Variants in PDE8A observed in about 807,000 individuals in gnomAD.
PDE8A encodes high affinity cAMP-specific and IBMX-insensitive 3',5'-cyclic phosphodiesterase 8A.
Under a neutral mutation model 105.0 loss-of-function variants are expected in PDE8A, and 59 were observed. The observed-to-expected ratio is 0.56, with a 90% CI of 0.46 to 0.70. The LOEUF (loss-of-function observed/expected upper bound fraction) is 0.70, where lower values mean the gene tolerates loss of function less well. Among genes scored for constraint, PDE8A ranks in the 30% least tolerant of loss-of-function variants. The pLI, the probability that PDE8A is intolerant of heterozygous loss-of-function variation, is 0.00. For missense variants in PDE8A, 1,014 were observed against 1,045.9 expected, an observed-to-expected ratio of 0.97 and a Z score of 0.42; for synonymous variants, 355 against 371.9, an observed-to-expected ratio of 0.95 and a Z score of 0.52.
chr15:85,032,761 T>C (rs1317620737), intron 1 of PDE8A, among the ~76,000 whole-genome samples: 1 of 152,190 alleles, frequency 6.6e-6, no homozygotes, highest in African/African-American at 2.4e-5. Context: ...AAGGTCAATT[T>C]AAATGCATTT....
chr15:85,100,753 A>G (rs139003329), intron 11 of PDE8A, among the ~76,000 whole-genome samples: 4 of 152,324 alleles, frequency 2.6e-5, no homozygotes, highest in Non-Finnish European at 5.9e-5. Flanking sequence ...TGGCCCTCAC[A>G]GATGAAGGGG....
At chr15:85,097,758 G>A in intron 8 of PDE8A, 190 bp from the exon 9 acceptor site, 1 of 557,198 alleles carries the variant, frequency 1.8e-6, no homozygotes. Context: ...ACTTTTGTCA[G>A]CAACTCAGAA....
At chr15:85,021,445 G>C (rs575606005) in intron 1 of PDE8A, among the ~76,000 whole-genome samples, 1 of 152,040 alleles carries the variant, frequency 6.6e-6, no homozygotes, top group South Asian at 2.1e-4. Context: ...GGGGTTGGGG[G>C]TGGTGGTAGT....
At chr15:85,085,379 C>T (rs559777180) in intron 6 of PDE8A, among the ~76,000 whole-genome samples, 8 of 152,314 alleles carry the variant, frequency 5.3e-5, no homozygotes, top group African/African-American at 1.9e-4. Context: ...AGGGGTGTTA[C>T]TGCTAGATTG....
At chr15:85,075,563 C>T (rs960265801) in intron 3 of PDE8A, among the ~76,000 whole-genome samples, 2 of 152,160 alleles carry the variant, frequency 1.3e-5, no homozygotes, top group Non-Finnish European at 1.5e-5. Flanking sequence ...AGGGAAAATA[C>T]TCCGCCTGAA....
At chr15:85,052,335 C>T (rs919722628) in intron 1 of PDE8A, among the ~76,000 whole-genome samples, 1 of 152,196 alleles carries the variant, frequency 6.6e-6, no homozygotes, top group South Asian at 2.1e-4. Flanking sequence ...TGGGTATATA[C>T]CCAGTAATGG....
intron 1 of PDE8A, among the ~76,000 whole-genome samples, chr15:85,039,149 G>A (rs2080759138): frequency 6.6e-6 from 1 of 151,838 alleles, no homozygotes; most frequent in Non-Finnish European, 1.5e-5. Context: ...GAAAAGAGTG[G>A]GTACAGTGGC....
In PDE8A at chr15:85,116,104, C is replaced by T. The variant is rs751452338; in HGVS notation, c.1520C>T (p.Ala507Val). The change falls in exon 16 of 22, where the codon GCT (alanine) becomes GTT (valine). Residue 507 changes from alanine (A) to valine (V), a missense_variant. Physicochemically the swap from Ala to Val is moderately conservative, Grantham distance 64. Coordinates refer to ENST00000394553, the MANE Select transcript of PDE8A (RefSeq NM_002605.3). ...GACTTTGATATTTTTGAACTGGAGG[C>T]TGCCACCCACAATAGGTGAGTTCAT... ...YWDFDIFELEAATHNRPLIYL... is the reference protein window; with the variant it reads ...YWDFDIFELEVATHNRPLIYL... 1 of 1,614,026 alleles carries T rather than the reference C, an allele frequency of 6.2e-7. No homozygotes were observed.
At chr15:85,058,268 A>G (rs897468677) in intron 1 of PDE8A, among the ~76,000 whole-genome samples, 2 of 151,738 alleles carry the variant, frequency 1.3e-5, no homozygotes, top group Non-Finnish European at 2.9e-5. Context: ...TCTCTTTTTT[A>G]TAGAGTTAGG....
intron 1 of PDE8A, among the ~76,000 whole-genome samples, chr15:85,003,910 A>C (rs1445435383): frequency 2.0e-5 from 3 of 152,134 alleles, no homozygotes; most frequent in African/African-American, 7.2e-5. Context: ...TCTTCAACAT[A>C]TGGTTGCCAA....
At chr15:85,022,610 G>A (rs561847215) in intron 1 of PDE8A, among the ~76,000 whole-genome samples, 2 of 150,920 alleles carry the variant, frequency 1.3e-5, no homozygotes, top group East Asian at 1.9e-4. Flanking sequence ...GTGCAGTGGC[G>A]TGATCTCAGC....
chr15:85,024,673 C>T (rs1052450208), intron 1 of PDE8A, among the ~76,000 whole-genome samples: 11 of 152,124 alleles, frequency 7.2e-5, no homozygotes, highest in African/African-American at 2.4e-4. Flanking sequence ...TCTTAGTCTT[C>T]CTTAGCTGCC....
chr15:85,125,604 T>G (rs1035642881), intron 19 of PDE8A, among the ~76,000 whole-genome samples: 2 of 152,194 alleles, frequency 1.3e-5, no homozygotes, highest in East Asian at 3.9e-4. Context: ...TAAAATGTAA[T>G]AAATAATACT....
intron 1 of PDE8A, among the ~76,000 whole-genome samples, chr15:85,020,392 T>G (rs1019439199): frequency 3.3e-5 from 5 of 152,044 alleles, no homozygotes. Context: ...TTACCTGAGG[T>G]CAGGAGTTTG....
chr15:85,033,776 A>G (rs1953477201), intron 1 of PDE8A, among the ~76,000 whole-genome samples: 2 of 152,182 alleles, frequency 1.3e-5, no homozygotes, highest in African/African-American at 4.8e-5. Flanking sequence ...GAGGCAGGAG[A>G]ATCGCTTGAA....
chr15:85,047,632 A>G (rs1174496212), intron 1 of PDE8A, among the ~76,000 whole-genome samples: 1 of 152,234 alleles, frequency 6.6e-6, no homozygotes. Context: ...AAGTGAACCC[A>G]TAGCTGCCTT....
intron 6 of PDE8A, among the ~76,000 whole-genome samples, chr15:85,087,042 CTT>C (rs34212320): frequency 0.24 from 32,502 of 133,314 alleles, 3,896 homozygotes; most frequent in African/African-American, 0.33. Flanking sequence ...ATGTTTTTTG[CTT>C]TTTTTTTTTT....
chr15:84,998,146 CTT>C (rs1370303735), intron 1 of PDE8A, among the ~76,000 whole-genome samples: 1 of 152,186 alleles, frequency 6.6e-6, no homozygotes, highest in Non-Finnish European at 1.5e-5. Context: ...GGACCTTTGA[CTT>C]TACCATATCC....
At chr15:85,069,168 A>G (rs1596487348) in intron 3 of PDE8A, among the ~76,000 whole-genome samples, 1 of 152,360 alleles carries the variant, frequency 6.6e-6, no homozygotes, top group Non-Finnish European at 1.5e-5. Context: ...CATAAGCACT[A>G]TAGTTAATCA....
Sources: gnomAD v4.1 joint callset for allele counts (sites outside exome capture counted in the v4.1 genomes callset) on GRCh38, gnomAD v4.1.1 for gene constraint, MANE v1.5 for transcripts, NCBI Gene and HGNC (gene_info 2026-07-23, HGNC 2026-07-21) for gene names.